Variants in EMID1 observed in about 807,000 individuals in gnomAD.
The protein encoded by EMID1 is EMI domain-containing protein 1.
EMID1 carries 40 observed loss-of-function variants against 60.6 expected under a neutral mutation model. That is an observed-to-expected ratio of 0.66 (90% CI 0.51 to 0.86). The LOEUF (loss-of-function observed/expected upper bound fraction) is 0.86, where lower values mean the gene tolerates loss of function less well. EMID1 is among the 40% of genes least tolerant of loss of function. EMID1 has a pLI of 0.00. For synonymous variants in EMID1, 242 were observed against 231.0 expected, an observed-to-expected ratio of 1.05 and a Z score of -0.43; for missense variants, 585 against 597.1, an observed-to-expected ratio of 0.98 and a Z score of 0.21.
Position 29,240,879 on chromosome 22 carries a change from G to A in EMID1, c.1075-2566G>A, listed in dbSNP as rs115913791. ...TCCTTTGACTCTGTCAGACTTTGTC[G>A]CCCCCATGACCTGGTGTTGGGTCCG... On this transcript the variant is annotated intron_variant, in intron 12 of 14. Coordinates refer to ENST00000334018, the MANE Select transcript of EMID1 (RefSeq NM_133455.4). Among the ~76,000 whole-genome samples, 404 of 152,176 alleles carry A rather than the reference G, an allele frequency of 2.7e-3. 2 individuals are homozygous for A. Among genetic ancestry groups the A allele is most frequent in the African/African-American group, 9.3e-3 (384 of 41,490 alleles).
chr22:29,211,091 G>A (rs1178565213), intron 1 of EMID1, among the ~76,000 whole-genome samples: 1 of 152,244 alleles, frequency 6.6e-6, no homozygotes, highest in African/African-American at 2.4e-5. Context: ...GCATGCGTGT[G>A]TGTGTGCATG....
intron 3 of EMID1, among the ~76,000 whole-genome samples, chr22:29,223,527 C>G (rs1411035784): frequency 2.0e-5 from 3 of 152,218 alleles, no homozygotes; most frequent in African/African-American, 7.2e-5. Flanking sequence ...GAACATTGAG[C>G]CTCCCTGCCA....
intron 1 of EMID1, 32 bp from the exon 2 acceptor site, chr22:29,214,894 A>G (rs764172353): frequency 2.0e-6 from 3 of 1,471,952 alleles, no homozygotes; most frequent in Non-Finnish European, 2.8e-6. Flanking sequence ...CCTGTGTGGT[A>G]CCTGAGTTTC....
At chr22:29,218,835 G>C (rs1343455050) in intron 3 of EMID1, among the ~76,000 whole-genome samples, 1 of 152,194 alleles carries the variant, frequency 6.6e-6, no homozygotes, top group Non-Finnish European at 1.5e-5. Flanking sequence ...CAGCCCCACT[G>C]TCCGGATGAT....
chr22:29,259,284 G>A lies in EMID1; in HGVS notation c.*340G>A, dbSNP rs565622838. 8 of 312,848 alleles carry A rather than the reference G, an allele frequency of 2.6e-5. No individual in the cohort carries two copies. The highest frequency in any genetic ancestry group is 1.6e-4 in the African/African-American group (7 of 44,324). 19.4% of individuals were successfully genotyped at this position (312,848 alleles called of 1,614,324 possible). A position where few individuals can be genotyped will look rare whatever the true frequency, so the allele number is the denominator to read the frequency against. On this transcript the variant is annotated 3_prime_UTR_variant, in exon 15 of 15. Coordinates refer to ENST00000334018, the MANE Select transcript of EMID1 (RefSeq NM_133455.4). ...AGTCAGGAGCTGGGGCTCGGCACAT[G>A]CAGAGATGACAGGGCAGGGGGCAGT...
intron 5 of EMID1, 96 bp downstream of exon 5, chr22:29,226,647 A>G (rs9613841): frequency 0.074 from 91,595 of 1,235,236 alleles, 3,666 homozygotes; most frequent in African/African-American, 0.099. Flanking sequence ...CCCGCACCCC[A>G]TGCTCGCACC....
chr22:29,255,236 A>G, intron 14 of EMID1: 1 of 1,063,328 alleles, frequency 9.4e-7, no homozygotes. Context: ...CGGAGGCCAG[A>G]CTCGCACCGT....
At chr22:29,227,724 A>C (rs946893632) in intron 5 of EMID1, among the ~76,000 whole-genome samples, 12 of 145,478 alleles carry the variant, frequency 8.2e-5, no homozygotes, top group Non-Finnish European at 1.7e-4. Context: ...AAAAAAAAAA[A>C]AAACAAATTA....
At chr22:29,216,472 G>A in intron 3 of EMID1, 1 of 985,444 alleles carries the variant, frequency 1.0e-6, no homozygotes, top group Non-Finnish European at 1.2e-6. Context: ...CTGAGAACCA[G>A]GCCCAGAGAC....
At chr22:29,218,867 C>T (rs900078753) in intron 3 of EMID1, among the ~76,000 whole-genome samples, 3 of 152,106 alleles carry the variant, frequency 2.0e-5, no homozygotes, top group African/African-American at 7.2e-5. Context: ...TCAGAGAGGG[C>T]GTGGGTCTCA....
chr22:29,251,013 G>T (rs1450128067), intron 13 of EMID1, among the ~76,000 whole-genome samples: 2 of 151,740 alleles, frequency 1.3e-5, no homozygotes, highest in Admixed American at 6.6e-5. Flanking sequence ...GACCTCAGGG[G>T]CCCAAGCCAC....
chr22:29,214,958 T>C lies in EMID1; in HGVS notation c.134T>C (p.Ile45Thr). Residue 45 changes from isoleucine to threonine, a missense_variant, in exon 2 of 15, where the codon ATC becomes ACC. Ile to Thr is a moderately conservative substitution (Grantham distance 89). Transcript: ENST00000334018. ...NWCSYVVTRTISCHVQNGTYL... is the reference protein window; with the variant it reads ...NWCSYVVTRTTSCHVQNGTYL... ...TGCTCCTATGTGGTGACCCGCACCA[T>C]CTCATGCCATGTGCAGAATGGCACC... 6.5e-7 allele frequency: 1 copy of C among 1,549,554 alleles called. No homozygotes were observed. The highest frequency in any genetic ancestry group is 8.7e-7 in the Non-Finnish European group (1 of 1,144,546).
rs937830315 is a variant in EMID1 at position 29,231,098 on chromosome 22, C to T, written c.544C>T (p.Pro182Ser). Residue 182 changes from proline to serine, a missense_variant, in exon 6 of 15, where the codon CCC (proline) becomes TCC (serine). Pro to Ser is a moderately conservative substitution (Grantham distance 74). Transcript: ENST00000334018. ...TGAGGACCCTGCCCCGCTCTGGGGT[C>T]CCCCTCCTGCCCAGGGCAGCCCCGG... ...TPEDPAPLWG[P>S]PPAQGSPGDG... is the part of the protein sequence containing the mutation. 6.2e-7 allele frequency: 1 copy of T among 1,613,306 alleles called. No homozygotes were observed. Among genetic ancestry groups the T allele is most frequent in the African/African-American group, 1.3e-5 (1 of 75,034 alleles).
intron 13 of EMID1, among the ~76,000 whole-genome samples, chr22:29,246,761 G>A (rs2041345881): frequency 6.6e-6 from 1 of 152,148 alleles, no homozygotes; most frequent in Non-Finnish European, 1.5e-5. Flanking sequence ...CACCTGGTCT[G>A]AGGGAGTTCC....
intron 12 of EMID1, among the ~76,000 whole-genome samples, chr22:29,240,000 A>G (rs2146352592): frequency 6.6e-6 from 1 of 152,036 alleles, no homozygotes; most frequent in African/African-American, 2.4e-5. Context: ...TTTAGTAGAG[A>G]TGAGCTTTCA....
At chr22:29,257,017 CCTCT>C (rs993670343) in intron 14 of EMID1, among the ~76,000 whole-genome samples, 1 of 152,220 alleles carries the variant, frequency 6.6e-6, no homozygotes, top group African/African-American at 2.4e-5. Context: ...GTCTCCACCT[CCTCT>C]CTGAGGATTG....
At position 29,259,317 on chromosome 22, in the gene EMID1, C is replaced by T; in HGVS notation, c.*373C>T. The T allele has an allele frequency of 4.1e-6, 1 of 241,630 alleles. No homozygotes were observed. The highest frequency in any genetic ancestry group is 5.2e-5 in the South Asian group (1 of 19,266). 15.0% of individuals were successfully genotyped at this position (241,630 alleles called of 1,614,324 possible). On this transcript the variant is annotated 3_prime_UTR_variant, in exon 15 of 15. Transcript: ENST00000334018. ...GACAGGGCAGGGGGCAGTCTTCCTC[C>T]CCCTCCCCGACCAAACCTCGGGGAG... is the stretch of plus-strand genomic sequence containing the variant.
chr22:29,230,493 G>A (rs751159908), intron 5 of EMID1, among the ~76,000 whole-genome samples: 3 of 152,244 alleles, frequency 2.0e-5, no homozygotes, highest in Non-Finnish European at 4.4e-5. Flanking sequence ...AACTTTGATG[G>A]CAATGATGGT....
chr22:29,228,862 T>C (rs1285240080), intron 5 of EMID1, among the ~76,000 whole-genome samples: 1 of 152,156 alleles, frequency 6.6e-6, no homozygotes, highest in East Asian at 1.9e-4. Context: ...TCCAGGAGTG[T>C]TGGGATTACA....
Sources: gnomAD v4.1 joint callset for allele counts (sites outside exome capture counted in the v4.1 genomes callset) on GRCh38, gnomAD v4.1.1 for gene constraint, MANE v1.5 for transcripts, NCBI Gene and HGNC (gene_info 2026-07-23, HGNC 2026-07-21) for gene names.